The following PABPC4 variants were observed in gnomAD, a reference collection of about 807,000 sequenced individuals.
PABPC4 encodes the protein polyadenylate-binding protein 4.
A neutral mutation model predicts 74.5 loss-of-function variants in PABPC4; 15 were observed. The ratio of observed to expected loss-of-function variants is 0.20; its 90% CI spans 0.13 to 0.31. The LOEUF is 0.31. Among genes scored for constraint, PABPC4 ranks in the 10% least tolerant of loss-of-function variants. PABPC4 has a pLI of 1.00. For missense variants in PABPC4, 610 were observed against 853.5 expected, an observed-to-expected ratio of 0.71 and a Z score of 3.55; for synonymous variants, 345 against 303.0, an observed-to-expected ratio of 1.14 and a Z score of -1.44.
Position 39,562,055 on chromosome 1 carries a change from G to A in PABPC4, c.1893+18C>T, listed in dbSNP as rs201782350. Reference sequence around the variant, plus strand: ...CCAAGCTGAGAACTGAAGCTGCAGGGTCTGAGCCCCAGCTCACCTTGGAGC... The same window carrying A: ...CCAAGCTGAGAACTGAAGCTGCAGGATCTGAGCCCCAGCTCACCTTGGAGC... On this transcript the variant is annotated intron_variant, in intron 14 of 15. Transcript: ENST00000372858. 2 of 1,611,234 alleles carry A rather than the reference G, an allele frequency of 1.2e-6. No homozygotes were observed. Among genetic ancestry groups the A allele is most frequent in the Non-Finnish European group, 1.7e-6 (2 of 1,179,274 alleles).
chr1:39,567,825 TC>T lies in PABPC4; in HGVS notation c.897del (p.Asn300ThrfsTer11). On this transcript the variant is annotated frameshift_variant, in exon 7 of 16. Transcript: ENST00000372858. LOFTEE classifies it high-confidence loss of function. ...TCATCATCAATAGTGTCATCCAAGT[TC>T]TTAATGTAGAGATTCACCCCCTGAA... Reference protein sequence around the residue: ...SRYQGVNLYIKNLDDTIDDEK... With the variant: ...SRYQGVNLYIXNLDDTIDDEK... 1 of 1,591,906 alleles carries T rather than the reference TC, an allele frequency of 6.3e-7. No individual in the cohort carries two copies. The highest frequency in any genetic ancestry group is 8.6e-7 in the Non-Finnish European group (1 of 1,159,972).
chr1:39,569,241 T>A (rs557673537), intron 5 of PABPC4, among the ~76,000 whole-genome samples: 1 of 152,282 alleles, frequency 6.6e-6, no homozygotes, highest in South Asian at 2.1e-4. Flanking sequence ...TTGTGGGTAT[T>A]TAAGTGATAA....
At position 39,569,784 on chromosome 1, in the gene PABPC4, T is replaced by C. The variant is rs1368494604; in HGVS notation, c.643+79A>G. 5.7e-6 allele frequency: 9 copies of C among 1,588,778 alleles called. No homozygotes were observed. The South Asian group carries it at 1.0e-4, about 18-fold the overall frequency. ...TGGAAACTCACTTGAAGCAAATCTC[T>C]GGAGCAGTGCCCTCATCTCTTAAGA... On this transcript the variant is annotated intron_variant, in intron 4 of 15. Transcript: ENST00000372858.
In PABPC4 at chr1:39,562,072, C is replaced by T; in HGVS notation, c.1893+1G>A. ...GCTGCAGGGTCTGAGCCCCAGCTCA[C>T]CTTGGAGCGGAGAGACTCGGGGGAC... On this transcript the variant is annotated splice_donor_variant, in intron 14 of 15. Coordinates refer to ENST00000372858, the MANE Select transcript of PABPC4 (RefSeq NM_001135653.2). LOFTEE classifies it high-confidence loss of function. 6.2e-7 allele frequency: 1 copy of T among 1,612,608 alleles called. No individual in the cohort carries two copies. The highest frequency in any genetic ancestry group is 8.5e-7 in the Non-Finnish European group (1 of 1,179,872).
chr1:39,565,162 T>C lies in PABPC4; in HGVS notation c.1189A>G (p.Ile397Val), dbSNP rs762218738. Residue 397 changes from isoleucine to valine, a missense_variant, in exon 8 of 16, where the codon ATC becomes GTC. Physicochemically the swap from Ile to Val is conservative, Grantham distance 29. Transcript: ENST00000372858. ...GCTGCAGGCTGGAACTGATTTAAGA[T>C]GGCATTGGCAGGAAGTGCTCTCATT... ...AGMRALPANA[I>V]LNQFQPAAGG... The C allele has an allele frequency of 5.0e-6, 8 of 1,614,204 alleles. No homozygotes were observed. Among genetic ancestry groups the C allele is most frequent in the Non-Finnish European group, 6.8e-6 (8 of 1,180,034 alleles).
At chr1:39,574,500 A>G (rs1645988429) in intron 1 of PABPC4, among the ~76,000 whole-genome samples, 1 of 152,222 alleles carries the variant, frequency 6.6e-6, no homozygotes, top group African/African-American at 2.4e-5. Context: ...ACTTTTGTTC[A>G]AAAGTCAGTA....
At position 39,561,668 on chromosome 1, in the gene PABPC4, A is replaced by G. The variant is rs375107392; in HGVS notation, c.*13+17T>C. The G allele has an allele frequency of 3.2e-6, 5 of 1,570,856 alleles. No homozygotes were observed. Among genetic ancestry groups the G allele is most frequent in the South Asian group, 2.2e-5 (2 of 90,058 alleles). ...AACAATGCTCATAGGAACAAAAATG[A>G]AAATAGCCACACATACGGTTTTTCC... is the stretch of plus-strand genomic sequence containing the variant. On this transcript the variant is annotated intron_variant, in intron 15 of 15. Transcript: ENST00000372858.
In PABPC4 at chr1:39,561,538, C is replaced by A. The variant is rs145700136; in HGVS notation, c.*13+147G>T. On this transcript the variant is annotated intron_variant, in intron 15 of 15. Transcript: ENST00000372858. The stretch of plus-strand genomic sequence containing the variant: ...CCACAGTCCTCATGATAAGAAGTCA[C>A]CTGCAACACACTCCGTGTAACTAAC... 1.4e-4 allele frequency: 91 copies of A among 630,376 alleles called. 1 individual carries two copies. In the East Asian group the frequency reaches 1.8e-3, roughly 12 times the overall value. 39.0% of individuals were successfully genotyped at this position (630,376 alleles called of 1,614,324 possible).
chr1:39,571,161 T>C, intron 3 of PABPC4, 73 bp downstream of exon 3: 2 of 1,608,148 alleles, frequency 1.2e-6, no homozygotes, highest in South Asian at 2.2e-5. Context: ...CCGCCTTGTG[T>C]GTGCCAGTTA....
rs1325157684 is a variant in PABPC4 at position 39,576,327 on chromosome 1, C to G, written c.-376G>C. 1 of 171,886 alleles carries G rather than the reference C, an allele frequency of 5.8e-6. No individual in the cohort carries two copies. The highest frequency in any genetic ancestry group is 2.4e-5 in the African/African-American group (1 of 42,228). The allele number at this position is 171,886 out of a possible 1,614,324, so 10.6% of individuals were successfully genotyped here. ...GCGACCGGACGCTGCCCACGGCGGCCTCGGGGACACGCGTTTCTCTATAAA... is the reference window on the plus strand; with the variant it reads ...GCGACCGGACGCTGCCCACGGCGGCGTCGGGGACACGCGTTTCTCTATAAA... On this transcript the variant is annotated 5_prime_UTR_variant, in exon 1 of 16. Transcript: ENST00000372858.
Position 39,576,168 on chromosome 1 carries a change from C to G in PABPC4, c.-217G>C, listed in dbSNP as rs998112234. 305 of 482,378 alleles carry G rather than the reference C, an allele frequency of 6.3e-4. No individual in the cohort carries two copies. The highest frequency in any genetic ancestry group is 1.0e-3 in the Non-Finnish European group (273 of 273,084). The allele number at this position is 482,378 out of a possible 1,614,324, so 29.9% of individuals were successfully genotyped here. On this transcript the variant is annotated 5_prime_UTR_variant, in exon 1 of 16. Coordinates refer to ENST00000372858, the MANE Select transcript of PABPC4 (RefSeq NM_001135653.2). Reference sequence around the variant, plus strand: ...CGCAGCACCGCAGACAAAAGGCTCTCCGCACAATACGGCCCTCCCCGCGAC... The same window carrying G: ...CGCAGCACCGCAGACAAAAGGCTCTGCGCACAATACGGCCCTCCCCGCGAC...
In PABPC4 at chr1:39,568,885, G is replaced by A; in HGVS notation, c.793C>T (p.Arg265Cys). The A allele has an allele frequency of 4.3e-6, 7 of 1,613,766 alleles. No individual in the cohort carries two copies. The highest frequency in any genetic ancestry group is 5.9e-6 in the Non-Finnish European group (7 of 1,179,872). Residue 265 changes from arginine (R) to cysteine (C), a missense_variant, in exon 6 of 16, where the codon CGT becomes TGT. By Grantham distance (180) the Arg-to-Cys change is radical (BLOSUM62 -3). Transcript: ENST00000372858. Reference protein sequence around the residue: ...EISGKIIFVGRAQKKVERQAE... With the variant: ...EISGKIIFVGCAQKKVERQAE... ...TGCCGTTCTACTTTCTTTTGTGCACGGCCTACAAATATGATTTTACCACTT... is the reference window on the plus strand; with the variant it reads ...TGCCGTTCTACTTTCTTTTGTGCACAGCCTACAAATATGATTTTACCACTT...
intron 12 of PABPC4, chr1:39,562,645 A>G: frequency 2.2e-6 from 1 of 456,284 alleles, no homozygotes; most frequent in Non-Finnish European, 3.9e-6. Flanking sequence ...GCATGCTATC[A>G]GAAAGCGAAG....
At chr1:39,567,602 C>T (rs1163515356) in intron 7 of PABPC4, 149 bp downstream of exon 7, 3 of 697,548 alleles carry the variant, frequency 4.3e-6, no homozygotes, top group Non-Finnish European at 7.9e-6. Context: ...TGTCATTCTC[C>T]AGAATGCATC....
At position 39,571,259 on chromosome 1, in the gene PABPC4, C is replaced by T. The variant is rs1367582232; in HGVS notation, c.478G>A (p.Gly160Ser). ...ACTTTGCGGTCATTGAGGAGCATGC[C>T]ATTCATCTTCTCGATGGCCTTGTCG... ...AADKAIEKMN[G>S]MLLNDRKVFV... The change falls in exon 3 of 16, where the codon GGC (glycine) becomes AGC (serine). Residue 160 changes from glycine (G) to serine (S), a missense_variant. Physicochemically the swap from Gly to Ser is moderately conservative, Grantham distance 56. Transcript: ENST00000372858. 1 of 1,614,190 alleles carries T rather than the reference C, an allele frequency of 6.2e-7. No homozygotes were observed.
chr1:39,576,035 C>G lies in PABPC4; in HGVS notation c.-84G>C, dbSNP rs1211345954. On this transcript the variant is annotated 5_prime_UTR_variant, in exon 1 of 16. Coordinates refer to ENST00000372858, the MANE Select transcript of PABPC4 (RefSeq NM_001135653.2). Reference sequence around the variant, plus strand: ...AGGACAAAGGGGCGCCTTCGGAGCCCGGGCCCGCGCCGCGGCTCACAGGTG... The same window carrying G: ...AGGACAAAGGGGCGCCTTCGGAGCCGGGGCCCGCGCCGCGGCTCACAGGTG... The G allele has an allele frequency of 2.8e-5, 24 of 852,876 alleles. No homozygotes were observed. The highest frequency in any genetic ancestry group is 3.8e-5 in the Non-Finnish European group (23 of 599,914). The allele number at this position is 852,876 out of a possible 1,614,324, so 52.8% of individuals were successfully genotyped here.
chr1:39,563,391 C>T (rs1051151567), intron 12 of PABPC4: 14 of 534,970 alleles, frequency 2.6e-5, no homozygotes, highest in East Asian at 6.6e-5. Context: ...ACTGGCTGCC[C>T]GCTCTGAGGC....
At chr1:39,572,295 T>C in intron 2 of PABPC4, 98 bp downstream of exon 2, 1 of 956,010 alleles carries the variant, frequency 1.0e-6, no homozygotes, top group Non-Finnish European at 1.6e-6. Flanking sequence ...AATTCCCATA[T>C]CTTGTTCCCC....
At chr1:39,573,956 T>C (rs1645978442) in intron 1 of PABPC4, among the ~76,000 whole-genome samples, 1 of 152,176 alleles carries the variant, frequency 6.6e-6, no homozygotes, top group South Asian at 2.1e-4. Context: ...TGGCATCTCC[T>C]AACGGTGACA....
Sources: allele counts gnomAD v4.1 joint callset (sites outside exome capture counted in the v4.1 genomes callset), GRCh38; gene constraint gnomAD v4.1.1; transcripts MANE v1.5; gene names NCBI Gene and HGNC (gene_info 2026-07-23, HGNC 2026-07-21).